TLE2: variants seen among roughly 807,000 people sequenced by gnomAD.
The protein encoded by TLE2 is transducin-like enhancer protein 2.
Under a neutral mutation model 97.2 loss-of-function variants are expected in TLE2, and 74 were observed. That is an observed-to-expected ratio of 0.76 (90% CI 0.63 to 0.92). The LOEUF (loss-of-function observed/expected upper bound fraction) is 0.92, where lower values mean the gene tolerates loss of function less well. Ranked by LOEUF, TLE2 falls within the 40% of genes least tolerant of loss-of-function variation. The pLI is 0.00. For synonymous variants in TLE2, 499 were observed against 432.1 expected (o/e 1.15, Z -1.92); for missense variants, 1,038 against 1,008.7 (o/e 1.03, Z -0.39).
intron 19 of TLE2, among the ~76,000 whole-genome samples, chr19:3,000,289 G>A (rs513955): frequency 0.37 from 55,497 of 151,014 alleles, 12,515 homozygotes; most frequent in African/African-American, 0.63. Context: ...ATTAGCCAGG[G>A]TGGTCTCGAT....
intron 17 of TLE2, 120 bp downstream of exon 17, chr19:3,005,317 C>T: frequency 1.5e-6 from 2 of 1,345,374 alleles, no homozygotes; most frequent in Non-Finnish European, 2.0e-6. Context: ...GAAAGATGGA[C>T]ACCACAGCAG....
chr19:3,000,840 T>TG, intron 18 of TLE2, 117 bp from the exon 19 acceptor site: 1 of 710,828 alleles, frequency 1.4e-6, no homozygotes, highest in Non-Finnish European at 2.3e-6. Context: ...TTTTTTTTTT[T>TG]TCCAAGAAAG....
chr19:3,032,176 C>T (rs1450104007), upstream of TLE2, among the ~76,000 whole-genome samples: 3 of 152,108 alleles, frequency 2.0e-5, no homozygotes, highest in African/African-American at 7.2e-5. This position sits in a 1 kb window ranked among gnomAD's most constrained non-coding sequence, Gnocchi z 4.1. Context: ...AGGTGATCCA[C>T]CTGCCTCGGC....
At chr19:3,044,879 T>G (rs1482033504) in intron 1 of TLE2, among the ~76,000 whole-genome samples, 3 of 152,164 alleles carry the variant, frequency 2.0e-5, no homozygotes, top group Non-Finnish European at 4.4e-5. Context: ...AAGAGAATAT[T>G]TGTTGGGATA....
chr19:3,015,948 T>A (rs777947127), intron 8 of TLE2, 188 bp from the exon 9 acceptor site: 1 of 682,442 alleles, frequency 1.5e-6, no homozygotes, highest in South Asian at 1.5e-5. Context: ...TCTGTTTTGT[T>A]TTGTTTTTGA....
chr19:3,005,102 G>A (rs952172153), intron 17 of TLE2, among the ~76,000 whole-genome samples: 3 of 151,984 alleles, frequency 2.0e-5, no homozygotes, highest in African/African-American at 4.8e-5. Flanking sequence ...CCGCGCTCTC[G>A]GCGGCGTCCA....
At chr19:3,009,747 G>A in intron 12 of TLE2, 45 bp from the exon 13 acceptor site, 6 of 1,557,398 alleles carry the variant, frequency 3.9e-6, no homozygotes, top group Non-Finnish European at 4.3e-6. Flanking sequence ...CCTGGACCCA[G>A]ATCCCGCCTC....
At chr19:3,026,455 T>TA (rs34783402) in intron 4 of TLE2, among the ~76,000 whole-genome samples, 2,636 of 111,240 alleles carry the variant, frequency 0.024, 35 homozygotes, top group South Asian at 0.047. Context: ...TCTCAAAATT[T>TA]AAAAAAAAAA....
chr19:3,028,000 C>G (rs1027362686), intron 3 of TLE2, 127 bp from the exon 4 acceptor site: 5 of 971,898 alleles, frequency 5.1e-6, no homozygotes, highest in East Asian at 2.6e-5. Flanking sequence ...AGAGCCCCCC[C>G]CAGCTCCACG....
At chr19:3,035,941 G>C (rs949052758) in intron 1 of TLE2, among the ~76,000 whole-genome samples, 3 of 152,208 alleles carry the variant, frequency 2.0e-5, no homozygotes, top group Non-Finnish European at 4.4e-5. Flanking sequence ...TCACCCCCAA[G>C]CCTGGCCTAT....
At chr19:3,032,236 GTTTT>G (rs895558167), upstream of TLE2, among the ~76,000 whole-genome samples, 1 of 148,622 alleles carries the variant, frequency 6.7e-6, no homozygotes, top group South Asian at 2.1e-4. This position sits in a 1 kb window ranked among gnomAD's most constrained non-coding sequence, Gnocchi z 4.1. Context: ...CTGGCCTTCG[GTTTT>G]TTTGTTTTTG....
intron 19 of TLE2, 47 bp from the exon 20 acceptor site, chr19:2,998,002 C>A: frequency 7.1e-7 from 1 of 1,415,394 alleles, no homozygotes; most frequent in East Asian, 2.4e-5. Context: ...GGCATGGTCC[C>A]CACAGATGGG....
chr19:3,029,383 GC>G (rs556716112), upstream of TLE2, among the ~76,000 whole-genome samples: 42 of 139,510 alleles, frequency 3.0e-4, no homozygotes, highest in African/African-American at 8.0e-4. Flanking sequence ...CCGCGCCCGC[GC>G]CCCCCCCGGC....
At position 3,005,572 on chromosome 19, in the gene TLE2, G is replaced by C; in HGVS notation, c.1761C>G (p.Gly587=). ...QNQTMVRQFQ[G]HTDGASCIDI... is the part of the protein sequence containing the mutation. ...CAATGCAGCTGGCGCCGTCCGTGTG[G>C]CCCTGGAACTGCCTGGAGGGAGAAG... Residue 587 remains glycine (G), a synonymous_variant, in exon 17 of 20, where the codon GGC becomes GGG. Transcript: ENST00000262953. The C allele has an allele frequency of 6.2e-7, 1 of 1,613,256 alleles. No homozygotes were observed. Among genetic ancestry groups the C allele is most frequent in the Middle Eastern group, 1.6e-4 (1 of 6,062 alleles).
intron 19 of TLE2, among the ~76,000 whole-genome samples, chr19:3,000,232 T>C (rs939612062): frequency 1.3e-5 from 2 of 150,060 alleles, no homozygotes; most frequent in South Asian, 2.1e-4. Flanking sequence ...CCACCACGCC[T>C]GGCTAATTTT....
intron 1 of TLE2, among the ~76,000 whole-genome samples, chr19:3,045,270 T>C (rs922665742): frequency 1.3e-5 from 2 of 152,014 alleles, no homozygotes; most frequent in Non-Finnish European, 2.9e-5. Flanking sequence ...ATGACTGAAG[T>C]AGGAACAGCG....
rs541886722 is a variant in TLE2, at chr19:3,027,995, C to A, written c.187-122G>T. 9.9e-6 allele frequency: 10 copies of A among 1,006,014 alleles called. No homozygotes were observed. The East Asian group carries it at 2.3e-4, about 24-fold the overall frequency. The allele number at this position is 1,006,014 out of a possible 1,614,324, so 62.3% of individuals were successfully genotyped here. A position where few individuals can be genotyped will look rare whatever the true frequency, so the allele number is the denominator to read the frequency against. On this transcript the variant is annotated intron_variant, in intron 3 of 19. Transcript: ENST00000262953. ...GGGGAATCACAGCAGGAAGCAGAGC[C>A]CCCCCCAGCTCCACGGGGTCCCAGA... is the stretch of plus-strand genomic sequence containing the variant.
At position 3,019,772 on chromosome 19, in the gene TLE2, T is replaced by C; in HGVS notation, c.296A>G (p.His99Arg). 6.2e-7 allele frequency: 1 copy of C among 1,612,220 alleles called. No homozygotes were observed. Among genetic ancestry groups the C allele is most frequent in the Non-Finnish European group, 8.5e-7 (1 of 1,179,326 alleles). The change falls in exon 6 of 20, where the codon CAT becomes CGT. Residue 99 changes from histidine (H) to arginine (R), a missense_variant and splice_region_variant. By Grantham distance (29) the His-to-Arg change is conservative. Transcript: ENST00000262953. This position sits in a 1 kb window ranked among gnomAD's most constrained non-coding sequence, Gnocchi z 5.1. The stretch of plus-strand genomic sequence containing the variant: ...TACGGCCTGGAGCACCTGCTGCTGA[T>C]GCTGGCGGGTGGAAGGGATCAGGTA... ...AQIIPFLTQE[H>R]QQQVLQAVER...
At chr19:3,022,153 A>G (rs1276034956) in intron 5 of TLE2, among the ~76,000 whole-genome samples, 2 of 151,844 alleles carry the variant, frequency 1.3e-5, no homozygotes, top group African/African-American at 4.8e-5. Context: ...GGTTCAAGCA[A>G]TTCTCCTGCC....
Sources: gnomAD v4.1 joint callset for allele counts (sites outside exome capture counted in the v4.1 genomes callset) on GRCh38, gnomAD v4.1.1 for gene constraint, Gnocchi (gnomAD v3.1) non-coding constraint, MANE v1.5 for transcripts, NCBI Gene and HGNC (gene_info 2026-07-23, HGNC 2026-07-21) for gene names.